The following HKDC1 variants were observed in gnomAD, a reference collection of about 807,000 sequenced individuals.
HKDC1 encodes hexokinase HKDC1.
HKDC1 carries 66 observed loss-of-function variants against 96.6 expected under a neutral mutation model. The ratio of observed to expected loss-of-function variants is 0.68; its 90% confidence interval spans 0.56 to 0.84. HKDC1 has a LOEUF of 0.84. Ranked by LOEUF, HKDC1 falls within the 40% of genes least tolerant of loss-of-function variation. The probability of loss-of-function intolerance (pLI) is 0.00; values close to 1 mark genes in which losing one functional copy is unlikely to be tolerated. For synonymous variants in HKDC1, 466 were observed against 473.1 expected (o/e 0.98, Z 0.20); for missense variants, 1,211 against 1,208.1 (o/e 1.00, Z -0.04).
intron 16 of HKDC1, among the ~76,000 whole-genome samples, chr10:69,264,558 G>C (rs1040948080): frequency 6.6e-6 from 1 of 151,852 alleles, no homozygotes; most frequent in South Asian, 2.1e-4. Context: ...TTAGAGATGG[G>C]GTCTTGTTAT....
chr10:69,240,636 G>A lies in HKDC1; in HGVS notation c.592-16G>A. ...CCTTCCCACCCGCTGATTCCCTCTG[G>A]CCTTGTGTTCGGCAGGACATGGACG... On this transcript the variant is annotated splice_polypyrimidine_tract_variant and intron_variant, in intron 5 of 17. Transcript: ENST00000354624. The A allele has an allele frequency of 6.2e-7, 1 of 1,609,666 alleles. No homozygotes were observed. The highest frequency in any genetic ancestry group is 8.5e-7 in the Non-Finnish European group (1 of 1,176,322).
At chr10:69,257,277 T>G (rs775402194) in intron 13 of HKDC1, 50 bp from the exon 14 acceptor site, 27 of 1,551,652 alleles carry the variant, frequency 1.7e-5, no homozygotes, top group Non-Finnish European at 2.2e-5. Flanking sequence ...GGCTTGCACA[T>G]TCAACTCATA....
At chr10:69,230,162 C>T (rs79937321) in intron 2 of HKDC1, among the ~76,000 whole-genome samples, 14,554 of 152,234 alleles carry the variant, frequency 0.096, 781 homozygotes, top group Admixed American at 0.12. Context: ...TCTGTTCTGA[C>T]AGGATCAAGT....
chr10:69,266,328 G>A lies in HKDC1; in HGVS notation c.2607-282G>A, dbSNP rs191730365. 3.0e-3 allele frequency among the ~76,000 whole-genome samples: 460 copies of A among 152,198 alleles called. 1 individual carries two copies. The highest frequency in any genetic ancestry group is 1.0e-2 in the African/African-American group (415 of 41,522). On this transcript the variant is annotated intron_variant, in intron 17 of 17. Transcript: ENST00000354624. Reference sequence around the variant, plus strand: ...CAAAAATTACAAATATTAGCTGGGCGTGATAGTGCATACCTGTGGTCCCAG... The same window carrying A: ...CAAAAATTACAAATATTAGCTGGGCATGATAGTGCATACCTGTGGTCCCAG...
At chr10:69,243,086 G>A in intron 6 of HKDC1, 96 bp from the exon 7 acceptor site, 1 of 1,238,986 alleles carries the variant, frequency 8.1e-7, no homozygotes, top group Non-Finnish European at 1.2e-6. Context: ...AGCACTTTGT[G>A]GTACATTGAG....
In HKDC1 at chr10:69,239,764, T is replaced by C. The variant is rs557937742; in HGVS notation, c.591+627T>C. On this transcript the variant is annotated intron_variant, in intron 5 of 17. Coordinates refer to ENST00000354624, the MANE Select transcript of HKDC1 (RefSeq NM_025130.4). ...GCATTTTCCCTTATTGTTTTCATTTTACTTTTTTTTTTTTTTTTTTAGAGA... is the reference window on the plus strand; with the variant it reads ...GCATTTTCCCTTATTGTTTTCATTTCACTTTTTTTTTTTTTTTTTTAGAGA... Among the ~76,000 whole-genome samples, 32 of 123,888 alleles carry C rather than the reference T, an allele frequency of 2.6e-4. No individual in the cohort carries two copies. In the East Asian group the frequency reaches 4.3e-3, roughly 17 times the overall value. The allele number at this position is 123,888 out of a possible 152,430, so 81.3% of individuals were successfully genotyped here.
At position 69,233,088 on chromosome 10, in the gene HKDC1, T is replaced by C. The variant is rs1261188948; in HGVS notation, c.450T>C (p.Leu150=). The C allele has an allele frequency of 6.2e-7, 1 of 1,614,196 alleles. No homozygotes were observed. Among genetic ancestry groups the C allele is most frequent in the African/African-American group, 1.3e-5 (1 of 75,064 alleles). Residue 150 remains leucine, a synonymous_variant, in exon 4 of 18, where the codon CTT becomes CTC. Transcript: ENST00000354624. Reference sequence around the variant, plus strand: ...ATTTAAAGCATAAGAAATTGCCCCTTGGCCTAACTTTTTCTTTCCCCTGTC... The same window carrying C: ...ATTTAAAGCATAAGAAATTGCCCCTCGGCCTAACTTTTTCTTTCCCCTGTC... The part of the protein sequence containing the change: ...TKDLKHKKLP[L]GLTFSFPCRQ...
Position 69,248,581 on chromosome 10 carries a change from G to A in HKDC1, c.1423G>A (p.Ala475Thr). ...GCGGAAGCAGATCGACAGGGTGCTGGCTTTGTTCCAGCTGACCCGAGAGCA... is the reference window on the plus strand; with the variant it reads ...GCGGAAGCAGATCGACAGGGTGCTGACTTTGTTCCAGCTGACCCGAGAGCA... ...AQRKQIDRVL[A>T]LFQLTREQLV... The change falls in exon 10 of 18, where the codon GCT becomes ACT. Residue 475 changes from alanine (A) to threonine (T), a missense_variant. Transcript: ENST00000354624. The A allele has an allele frequency of 6.2e-7, 1 of 1,614,134 alleles. No homozygotes were observed. The highest frequency in any genetic ancestry group is 8.5e-7 in the Non-Finnish European group (1 of 1,180,038).
chr10:69,248,323 C>T (rs1038828205), intron 9 of HKDC1, 101 bp from the exon 10 acceptor site: 3 of 1,245,450 alleles, frequency 2.4e-6, no homozygotes, highest in Non-Finnish European at 3.3e-6. Context: ...TGAGCCCCGC[C>T]CCGCAGGGCC....
chr10:69,235,362 T>TG (rs144953831), intron 4 of HKDC1, among the ~76,000 whole-genome samples: 9,517 of 152,184 alleles, frequency 0.063, 999 homozygotes, highest in African/African-American at 0.22. Context: ...GTGGAGGTTG[T>TG]GGTGAGCTGA....
At position 69,243,292 on chromosome 10, in the gene HKDC1, G is replaced by C. The variant is rs751701291; in HGVS notation, c.802G>C (p.Gly268Arg). Reference protein sequence around the residue: ...NTEWGAFGDDGALEDIRTEFD... With the variant: ...NTEWGAFGDDRALEDIRTEFD... ...AGAGTGGGGGGCCTTCGGGGACGACGGGGCCCTGGAGGACATTCGCACTGA... is the reference window on the plus strand; with the variant it reads ...AGAGTGGGGGGCCTTCGGGGACGACCGGGCCCTGGAGGACATTCGCACTGA... The change falls in exon 7 of 18, where the codon GGG (glycine) becomes CGG (arginine). Residue 268 changes from glycine to arginine, a missense_variant. Transcript: ENST00000354624. 3.1e-6 allele frequency: 5 copies of C among 1,613,702 alleles called. No homozygotes were observed. In the Admixed American group the frequency reaches 8.3e-5, roughly 27 times the overall value.
At chr10:69,262,830 C>G (rs144112619) in intron 16 of HKDC1, among the ~76,000 whole-genome samples, 21 of 152,258 alleles carry the variant, frequency 1.4e-4, no homozygotes, top group Admixed American at 1.3e-3. Flanking sequence ...AAAATCATCA[C>G]GCTTGGTGAC....
At chr10:69,235,150 G>A (rs888906245) in intron 4 of HKDC1, among the ~76,000 whole-genome samples, 10 of 152,104 alleles carry the variant, frequency 6.6e-5, no homozygotes, top group Admixed American at 1.3e-4. Flanking sequence ...AGCCAGATGC[G>A]GTGGTTCATG....
intron 15 of HKDC1, among the ~76,000 whole-genome samples, chr10:69,259,735 T>G (rs1447904513): frequency 6.6e-6 from 1 of 152,116 alleles, no homozygotes; most frequent in Non-Finnish European, 1.5e-5. Context: ...ACGTCTTACA[T>G]GGCTGGAGAA....
chr10:69,240,681 C>A lies in HKDC1; in HGVS notation c.621C>A (p.Val207=). The part of the protein sequence containing the change: ...KDMDVDILAL[V]NDTVGTMMTC... ...TGGACGTGGACATCCTGGCCCTGGT[C>A]AATGACACCGTGGGGACCATGATGA... The change falls in exon 6 of 18, where the codon GTC becomes GTA. Residue 207 remains valine, a synonymous_variant. Coordinates refer to ENST00000354624, the MANE Select transcript of HKDC1 (RefSeq NM_025130.4). 1 of 1,614,056 alleles carries A rather than the reference C, an allele frequency of 6.2e-7. No individual in the cohort carries two copies. Among genetic ancestry groups the A allele is most frequent in the Non-Finnish European group, 8.5e-7 (1 of 1,179,976 alleles).
intron 12 of HKDC1, among the ~76,000 whole-genome samples, chr10:69,255,412 C>T (rs934960183): frequency 6.6e-6 from 1 of 152,140 alleles, no homozygotes; most frequent in Non-Finnish European, 1.5e-5. Flanking sequence ...GGCTAACAGC[C>T]TCAGGGTGAG....
At position 69,239,113 on chromosome 10, in the gene HKDC1, G is replaced by T; in HGVS notation, c.567G>T (p.Leu189=). ...AGGACACGGATGTGGTGAGCCGTCT[G>T]ACCAAAGCCATGAGAAGACACAAGG... is the stretch of plus-strand genomic sequence containing the variant. ...GVQDTDVVSR[L]TKAMRRHKDM... The change falls in exon 5 of 18, where the codon CTG becomes CTT. Residue 189 remains leucine, a synonymous_variant. Transcript: ENST00000354624. 1 of 1,613,868 alleles carries T rather than the reference G, an allele frequency of 6.2e-7. No individual in the cohort carries two copies. The highest frequency in any genetic ancestry group is 1.1e-5 in the South Asian group (1 of 91,036).
intron 1 of HKDC1, among the ~76,000 whole-genome samples, chr10:69,221,825 C>T (rs1425915927): frequency 2.0e-5 from 3 of 151,550 alleles, no homozygotes; most frequent in East Asian, 3.9e-4. Flanking sequence ...CCCAACTACT[C>T]GGGAGGCTGC....
Position 69,258,834 on chromosome 10 carries a change from G to A in HKDC1, c.2091G>A (p.Gly697=). Residue 697 remains glycine (G), a synonymous_variant, in exon 15 of 18, where the codon GGG becomes GGA. Transcript: ENST00000354624. ...TGAGGAACATCGAGATGGTGGAGGG[G>A]GGTGAAGGGAAGATGTGCATCAATA... ...EDMRNIEMVE[G]GEGKMCINTE... The A allele has an allele frequency of 6.2e-7, 1 of 1,614,078 alleles. No individual in the cohort carries two copies. The highest frequency in any genetic ancestry group is 8.5e-7 in the Non-Finnish European group (1 of 1,179,998).
Sources: gnomAD v4.1 joint callset for allele counts (sites outside exome capture counted in the v4.1 genomes callset) on GRCh38, gnomAD v4.1.1 for gene constraint, MANE v1.5 for transcripts, NCBI Gene and HGNC (gene_info 2026-07-23, HGNC 2026-07-21) for gene names.